ATRN: variants seen among roughly 807,000 people sequenced by gnomAD.
The protein encoded by ATRN is attractin-2.
Under a neutral mutation model 178.7 loss-of-function variants are expected in ATRN, and 54 were observed. That is an observed-to-expected ratio of 0.30 (90% confidence interval 0.24 to 0.38). ATRN has a LOEUF of 0.38. Ranked by LOEUF, ATRN falls within the 10% of genes least tolerant of loss-of-function variation. The pLI is 1.00. For missense variants in ATRN, 1,443 were observed against 1,815.1 expected (o/e 0.79, Z 3.73); for synonymous variants, 636 against 663.0 (o/e 0.96, Z 0.63).
chr20:3,521,296 A>G (rs868830696), intron 1 of ATRN, among the ~76,000 whole-genome samples: 1 of 152,292 alleles, frequency 6.6e-6, no homozygotes, highest in Middle Eastern at 3.4e-3. Context: ...TTACGCATGC[A>G]ACAAACCTGC....
At chr20:3,536,559 C>T (rs1459345856) in intron 2 of ATRN, among the ~76,000 whole-genome samples, 1 of 150,568 alleles carries the variant, frequency 6.6e-6, no homozygotes, top group Non-Finnish European at 1.5e-5. Flanking sequence ...TTAGAACTTA[C>T]AACCAAGAAA....
At chr20:3,562,555 G>A in intron 9 of ATRN, 96 bp downstream of exon 9, 1 of 1,270,234 alleles carries the variant, frequency 7.9e-7, no homozygotes, top group South Asian at 1.4e-5. Flanking sequence ...TTCATGCCTG[G>A]CAGATAATTC....
intron 1 of ATRN, among the ~76,000 whole-genome samples, chr20:3,472,028 T>C (rs1442611491): frequency 6.6e-6 from 1 of 152,028 alleles, no homozygotes; most frequent in African/African-American, 2.4e-5. Flanking sequence ...TTGTAAGATA[T>C]TAGGGATAGA....
At chr20:3,597,556 G>C (rs2086548438) in intron 21 of ATRN, among the ~76,000 whole-genome samples, 1 of 152,122 alleles carries the variant, frequency 6.6e-6, no homozygotes, top group Admixed American at 6.5e-5. Flanking sequence ...TCAGTCTGTT[G>C]CAGTACATCT....
chr20:3,535,877 G>A (rs577880847), intron 2 of ATRN, among the ~76,000 whole-genome samples: 2 of 152,128 alleles, frequency 1.3e-5, no homozygotes, highest in African/African-American at 2.4e-5. Flanking sequence ...TGATCCGCTC[G>A]CCTCAGCCTT....
At chr20:3,616,509 C>T (rs865861197) in intron 24 of ATRN, among the ~76,000 whole-genome samples, 9 of 149,456 alleles carry the variant, frequency 6.0e-5, no homozygotes, top group Non-Finnish European at 1.0e-4. Context: ...AGGGGGTGTT[C>T]GTGGTGGGGA....
At position 3,496,317 on chromosome 20, in the gene ATRN, C is replaced by T. The variant is rs1290120419; in HGVS notation, c.410+24800C>T. Among the ~76,000 whole-genome samples the T allele has an allele frequency of 2.7e-5, 4 of 150,694 alleles. No individual in the cohort carries two copies. The East Asian group carries it at 7.7e-4, about 29-fold the overall frequency. On this transcript the variant is annotated intron_variant, in intron 1 of 28. Transcript: ENST00000262919. ...GCTATAAATTTCCCTCTACACACTG[C>T]TTTGAATGTGTCCCAGAGATTCTGG...
intron 1 of ATRN, among the ~76,000 whole-genome samples, chr20:3,473,466 A>G (rs909980399): frequency 2.0e-5 from 3 of 152,200 alleles, no homozygotes; most frequent in Admixed American, 6.5e-5. Flanking sequence ...ACTGGAGAGA[A>G]AGGCGGGAAG....
intron 25 of ATRN, chr20:3,628,869 A>C (rs768826903): frequency 2.0e-6 from 2 of 984,118 alleles, no homozygotes; most frequent in East Asian, 2.3e-4. Context: ...AATCTTTTCT[A>C]TTCAGCCTCT....
chr20:3,504,348 C>G (rs2085006357), intron 1 of ATRN, among the ~76,000 whole-genome samples: 1 of 151,664 alleles, frequency 6.6e-6, no homozygotes, highest in Admixed American at 6.6e-5. Flanking sequence ...GAAGAAGGAA[C>G]AATGGAAAAA....
intron 1 of ATRN, among the ~76,000 whole-genome samples, chr20:3,533,987 AATC>A (rs1400624686): frequency 6.6e-6 from 1 of 152,138 alleles, no homozygotes; most frequent in Non-Finnish European, 1.5e-5. Flanking sequence ...ACAGATTTCT[AATC>A]AGTCAGTGGC....
chr20:3,567,433 A>G (rs960801123), intron 11 of ATRN, among the ~76,000 whole-genome samples: 1 of 152,220 alleles, frequency 6.6e-6, no homozygotes, highest in African/African-American at 2.4e-5. Context: ...ACCATAAAAT[A>G]TAATTTAATC....
chr20:3,617,589 C>T (rs941837765), intron 24 of ATRN, among the ~76,000 whole-genome samples: 4 of 152,104 alleles, frequency 2.6e-5, no homozygotes, highest in Middle Eastern at 3.4e-3. Context: ...GAGCCTGAGA[C>T]GGAAGGATCA....
Position 3,638,814 on chromosome 20 carries a change from A to G in ATRN, c.3943-14A>G, listed in dbSNP as rs946897911. 48 of 1,612,664 alleles carry G rather than the reference A, an allele frequency of 3.0e-5. No individual in the cohort carries two copies. Among genetic ancestry groups the G allele is most frequent in the Non-Finnish European group, 4.1e-5 (48 of 1,178,840 alleles). On this transcript the variant is annotated splice_polypyrimidine_tract_variant and intron_variant, in intron 26 of 28. Transcript: ENST00000262919. This position sits in a 1 kb window ranked among gnomAD's most constrained non-coding sequence, Gnocchi z 4.5. ...TACTCATTCCATTAATGGCTTTGCC[A>G]TATTATTTATCAGCAACTTCTTCGA...
chr20:3,524,379 TA>T (rs2085336375), intron 1 of ATRN, among the ~76,000 whole-genome samples: 2 of 152,024 alleles, frequency 1.3e-5, no homozygotes, highest in South Asian at 4.1e-4. Flanking sequence ...GCTAAATATA[TA>T]TGCACCCAAT....
At chr20:3,480,238 T>C (rs1334408093) in intron 1 of ATRN, among the ~76,000 whole-genome samples, 1 of 152,154 alleles carries the variant, frequency 6.6e-6, no homozygotes, top group Non-Finnish European at 1.5e-5. Flanking sequence ...TTGAAATGGG[T>C]TTATGATTGA....
chr20:3,490,062 A>G, intron 1 of ATRN: 1 of 1,193,490 alleles, frequency 8.4e-7, no homozygotes, highest in Non-Finnish European at 1.3e-6. Flanking sequence ...CTAGAAAAGC[A>G]ATGTCTTTGT....
intron 1 of ATRN, among the ~76,000 whole-genome samples, chr20:3,521,399 T>G (rs1188346811): frequency 1.3e-5 from 2 of 150,184 alleles, no homozygotes; most frequent in East Asian, 1.9e-4. Context: ...TTAACAGAGA[T>G]AGAAATATTT....
At chr20:3,530,248 A>T (rs1482870450) in intron 1 of ATRN, among the ~76,000 whole-genome samples, 1 of 147,558 alleles carries the variant, frequency 6.8e-6, no homozygotes, top group East Asian at 2.0e-4. Flanking sequence ...ATATTAAAAA[A>T]TTATATATTA....
Sources: gnomAD v4.1 joint callset for allele counts (sites outside exome capture counted in the v4.1 genomes callset) on GRCh38, gnomAD v4.1.1 for gene constraint, Gnocchi (gnomAD v3.1) non-coding constraint, MANE v1.5 for transcripts, NCBI Gene and HGNC (gene_info 2026-07-23, HGNC 2026-07-21) for gene names.